C1QTNF3: variants seen among roughly 807,000 people sequenced by gnomAD.
C1QTNF3 encodes C1q and TNF related 3, also known as complement C1q tumor necrosis factor-related protein 3.
C1QTNF3 carries 26 observed loss-of-function variants against 32.6 expected under a neutral mutation model. That is an observed-to-expected ratio of 0.80 (90% CI 0.58 to 1.11). The LOEUF is 1.11. Among genes scored for constraint, C1QTNF3 ranks in the 50% least tolerant of loss-of-function variants. C1QTNF3 has a pLI of 0.00. For synonymous variants in C1QTNF3, 155 were observed against 146.0 expected, an observed-to-expected ratio of 1.06 and a Z score of -0.44; for missense variants, 362 against 398.2, an observed-to-expected ratio of 0.91 and a Z score of 0.77.
the C1QTNF3 span, among the ~76,000 whole-genome samples, chr5:34,242,114 T>C: frequency 6.6e-6 from 1 of 152,166 alleles, no homozygotes; most frequent in African/African-American, 2.4e-5. Context: ...GATTCAAGGC[T>C]ATCTCCATGA....
upstream of C1QTNF3, chr5:34,043,728 A>T (rs1754931905): frequency 6.6e-6 from 1 of 152,636 alleles, no homozygotes; most frequent in Non-Finnish European, 1.5e-5. Context: ...TTGGTTGCCT[A>T]CAAAACACTG....
intron 1 of C1QTNF3, among the ~76,000 whole-genome samples, chr5:34,037,868 A>G (rs146297442): frequency 2.6e-5 from 4 of 152,312 alleles, no homozygotes; most frequent in East Asian, 3.9e-4. Flanking sequence ...GAAGGATTCC[A>G]TATTTCCTGT....
At chr5:34,067,491 C>T in the C1QTNF3 span, among the ~76,000 whole-genome samples, 1 of 152,206 alleles carries the variant, frequency 6.6e-6, no homozygotes, top group Non-Finnish European at 1.5e-5. Flanking sequence ...GAGCAAGTCA[C>T]ATCTTACATG....
At chr5:34,163,424 CTTA>C in the C1QTNF3 span, among the ~76,000 whole-genome samples, 3 of 151,596 alleles carry the variant, frequency 2.0e-5, no homozygotes, top group African/African-American at 7.2e-5. Context: ...ATAGTTTTGC[CTTA>C]TTATTATATT....
the C1QTNF3 span, among the ~76,000 whole-genome samples, chr5:34,073,974 G>C: frequency 6.6e-6 from 1 of 151,926 alleles, no homozygotes; most frequent in Non-Finnish European, 1.5e-5. Flanking sequence ...TCATTTTTTT[G>C]ATTTATTAGT....
At chr5:34,048,699 A>C in the C1QTNF3 span, among the ~76,000 whole-genome samples, 1 of 152,174 alleles carries the variant, frequency 6.6e-6, no homozygotes, top group Non-Finnish European at 1.5e-5. Context: ...CCAAAAAAAA[A>C]AAAAAGAGCA....
At chr5:34,092,870 A>G in the C1QTNF3 span, among the ~76,000 whole-genome samples, 11 of 152,170 alleles carry the variant, frequency 7.2e-5, no homozygotes, top group Non-Finnish European at 1.6e-4. Flanking sequence ...CCTCAGACAT[A>G]AATAAAAACA....
At chr5:34,036,710 T>C (rs191058911) in intron 1 of C1QTNF3, among the ~76,000 whole-genome samples, 1 of 152,224 alleles carries the variant, frequency 6.6e-6, no homozygotes, top group African/African-American at 2.4e-5. Flanking sequence ...CCAGCACTTT[T>C]GGAGGCCGAG....
chr5:34,177,877 T>A, the C1QTNF3 span, among the ~76,000 whole-genome samples: 2,195 of 151,242 alleles, frequency 0.015, 38 homozygotes, highest in South Asian at 0.034. Flanking sequence ...CTGACTTCGG[T>A]CTCCCAAAGG....
chr5:34,153,847 A>C, the C1QTNF3 span, among the ~76,000 whole-genome samples: 1 of 83,028 alleles, frequency 1.2e-5, no homozygotes, highest in Non-Finnish European at 2.8e-5. Flanking sequence ...CCTAAAACTT[A>C]GAGTATAAAA....
At chr5:34,124,481 G>C in the C1QTNF3 span, 5 of 715,480 alleles carry the variant, frequency 7.0e-6, no homozygotes, top group South Asian at 4.5e-5. Flanking sequence ...GACCAGGCCC[G>C]TCACGATGAG....
the C1QTNF3 span, among the ~76,000 whole-genome samples, chr5:34,084,399 A>G: frequency 2.6e-5 from 4 of 151,756 alleles, no homozygotes; most frequent in Non-Finnish European, 5.9e-5. Context: ...GAGCTGTTCT[A>G]GAGCAATAAA....
the C1QTNF3 span, among the ~76,000 whole-genome samples, chr5:34,114,972 GA>G: frequency 1.4e-4 from 22 of 151,834 alleles, no homozygotes; most frequent in Non-Finnish European, 2.1e-4. Context: ...TCTACTTTCT[GA>G]AAGGTAATAA....
chr5:34,132,074 T>C, the C1QTNF3 span, among the ~76,000 whole-genome samples: 1 of 152,142 alleles, frequency 6.6e-6, no homozygotes, highest in African/African-American at 2.4e-5. Flanking sequence ...AACTTGACAG[T>C]GCTACTTTGA....
chr5:34,179,473 C>T, the C1QTNF3 span, among the ~76,000 whole-genome samples: 2 of 152,386 alleles, frequency 1.3e-5, no homozygotes, highest in East Asian at 1.9e-4. Flanking sequence ...CAGAGCAAGA[C>T]CCTGCCCCAA....
intron 1 of C1QTNF3, among the ~76,000 whole-genome samples, chr5:34,038,706 C>A (rs1754799633): frequency 6.6e-6 from 1 of 152,130 alleles, no homozygotes; most frequent in Non-Finnish European, 1.5e-5. Context: ...CTCAGACAGG[C>A]TTTTTTTCTA....
chr5:34,164,591 G>A, the C1QTNF3 span: 2 of 151,796 alleles, frequency 1.3e-5, no homozygotes, highest in African/African-American at 2.4e-5. Flanking sequence ...GACTTAAAAT[G>A]AGAAGCTACA....
In C1QTNF3 at chr5:34,035,638, C is replaced by T. The variant is rs780495962; in HGVS notation, c.415+9G>A. On this transcript the variant is annotated intron_variant, in intron 2 of 5. Transcript: ENST00000382065. ...AATTAGATTGACAGTATGTCTTGCT[C>T]ATCCTTACCTGGAATGCCAGGAGGG... The T allele has an allele frequency of 1.3e-6, 2 of 1,589,440 alleles. No individual in the cohort carries two copies. The highest frequency in any genetic ancestry group is 8.6e-7 in the Non-Finnish European group (1 of 1,158,658).
chr5:34,038,622 C>G (rs1302144355), intron 1 of C1QTNF3, among the ~76,000 whole-genome samples: 1 of 152,118 alleles, frequency 6.6e-6, no homozygotes, highest in African/African-American at 2.4e-5. Context: ...AAGACCCCCT[C>G]CTTAGGAATC....
Sources: gnomAD v4.1 joint callset for allele counts (sites outside exome capture counted in the v4.1 genomes callset) on GRCh38, gnomAD v4.1.1 for gene constraint, MANE v1.5 for transcripts, NCBI Gene and HGNC (gene_info 2026-07-23, HGNC 2026-07-21) for gene names.